The following PFKFB2 variants were observed in gnomAD, a reference collection of about 807,000 sequenced individuals.
PFKFB2 encodes the protein 6-phosphofructo-2-kinase/fructose-2,6-biphosphatase 2.
A neutral mutation model predicts 68.0 loss-of-function variants in PFKFB2; 53 were observed. That is an observed-to-expected ratio of 0.78 (90% confidence interval 0.63 to 0.98). PFKFB2 has a LOEUF of 0.98. Among genes scored for constraint, PFKFB2 ranks in the 50% least tolerant of loss-of-function variants. The pLI, the probability that PFKFB2 is intolerant of heterozygous loss-of-function variation, is 0.00. For missense variants in PFKFB2, 451 were observed against 642.0 expected, an observed-to-expected ratio of 0.70 and a Z score of 3.22; for synonymous variants, 222 against 227.6, an observed-to-expected ratio of 0.98 and a Z score of 0.22.
intron 2 of PFKFB2, among the ~76,000 whole-genome samples, chr1:207,042,971 G>A (rs543032765): frequency 6.6e-6 from 1 of 151,896 alleles, no homozygotes; most frequent in Admixed American, 6.6e-5. Context: ...CTCGCAAGTT[G>A]ATTAATGGTT....
chr1:207,054,618 C>T, intron 1 of PFKFB2, 83 bp from the exon 2 acceptor site: 2 of 882,608 alleles, frequency 2.3e-6, no homozygotes, highest in Non-Finnish European at 1.8e-6. Context: ...ACTTATACCA[C>T]ACGGATCCAA....
chr1:207,055,311 T>TA (rs1682885788), intron 2 of PFKFB2, among the ~76,000 whole-genome samples: 1 of 152,234 alleles, frequency 6.6e-6, no homozygotes, highest in African/African-American at 2.4e-5. Flanking sequence ...TTGGGCATCT[T>TA]ACTTTCTCAC....
chr1:207,055,000 A>G lies in PFKFB2; in HGVS notation c.85+198A>G, dbSNP rs1682878484. On this transcript the variant is annotated intron_variant, in intron 2 of 14. Coordinates refer to ENST00000367080, the MANE Select transcript of PFKFB2 (RefSeq NM_006212.2). Reference sequence around the variant, plus strand: ...AAATGTCTGTTCTTGGGGCTTGACTACTGGTGTAGTCCAGCAGTTTCTTAC... The same window carrying G: ...AAATGTCTGTTCTTGGGGCTTGACTGCTGGTGTAGTCCAGCAGTTTCTTAC... 1.3e-5 allele frequency: 7 copies of G among 530,922 alleles called. No homozygotes were observed. The South Asian group carries it at 1.5e-4, about 11-fold the overall frequency. The allele number at this position is 530,922 out of a possible 1,614,324, so 32.9% of individuals were successfully genotyped here.
At chr1:207,068,445 C>A (rs1683366234) in intron 10 of PFKFB2, 136 bp downstream of exon 10, 2 of 634,920 alleles carry the variant, frequency 3.1e-6, no homozygotes, top group South Asian at 4.2e-5. Flanking sequence ...GACTCTATGG[C>A]CAGCCCGGGG....
chr1:207,050,358 T>C (rs867635115), upstream of PFKFB2, among the ~76,000 whole-genome samples: 15 of 151,830 alleles, frequency 9.9e-5, no homozygotes, highest in African/African-American at 3.6e-4. Context: ...AAAAGAGACA[T>C]AAGGACAGAG....
At chr1:207,068,099 T>A in intron 9 of PFKFB2, 64 bp from the exon 10 acceptor site, 4 of 1,236,722 alleles carry the variant, frequency 3.2e-6, no homozygotes, top group Non-Finnish European at 4.5e-6. Flanking sequence ...GTGTTGAGTG[T>A]GTGTGTGTGT....
Position 207,048,035 on chromosome 1 carries a change from C to T in PFKFB2, c.-18+5823C>T, listed in dbSNP as rs75823532. On this transcript the variant is annotated intron_variant, in intron 2 of 5. Transcript: ENST00000545806. ...TGAAAAAAATTTTTTGGAGGAAGTG[C>T]TCTTAACAAAAAGCTGAGAAAATTA... is the stretch of plus-strand genomic sequence containing the variant. The T allele has an allele frequency of 3.2e-3, 494 of 152,464 alleles. 13 individuals carry two copies. Among genetic ancestry groups the T allele is most frequent in the East Asian group, 0.027 (140 of 5,172 alleles). The allele number at this position is 152,464 out of a possible 1,614,324, so 9.4% of individuals were successfully genotyped here.
Position 207,072,863 on chromosome 1 carries a change from C to T in PFKFB2, c.*492C>T, listed in dbSNP as rs1683509097. On this transcript the variant is annotated 3_prime_UTR_variant, in exon 15 of 15. Transcript: ENST00000367080. ...CTTACTTGACTGCTTTCTTCCCCCACTTTCATGTCCCCTCTGGATTGTCCA... is the reference window on the plus strand; with the variant it reads ...CTTACTTGACTGCTTTCTTCCCCCATTTTCATGTCCCCTCTGGATTGTCCA... The T allele has an allele frequency of 1.0e-6, 1 of 990,062 alleles. No individual in the cohort carries two copies. The highest frequency in any genetic ancestry group is 1.2e-6 in the Non-Finnish European group (1 of 833,140). The allele number at this position is 990,062 out of a possible 1,614,324, so 61.3% of individuals were successfully genotyped here.
At chr1:207,056,538 C>T (rs1046858633) in intron 2 of PFKFB2, among the ~76,000 whole-genome samples, 4 of 151,780 alleles carry the variant, frequency 2.6e-5, no homozygotes, top group African/African-American at 9.7e-5. Context: ...TGGTAGGAAT[C>T]TCTTCTACCT....
At chr1:207,064,996 A>G in intron 7 of PFKFB2, 40 bp from the exon 8 acceptor site, 1 of 1,605,368 alleles carries the variant, frequency 6.2e-7, no homozygotes, top group Non-Finnish European at 8.5e-7. Context: ...TGTTACGGGC[A>G]GACCTCTGAT....
chr1:207,049,187 G>C (rs1178271102), upstream of PFKFB2: 1 of 1,614,068 alleles, frequency 6.2e-7, no homozygotes, highest in Non-Finnish European at 8.5e-7. Context: ...GCTTGTACAA[G>C]AACAATATCA....
At chr1:207,068,894 C>T (rs993840290) in intron 10 of PFKFB2, among the ~76,000 whole-genome samples, 1 of 151,960 alleles carries the variant, frequency 6.6e-6, no homozygotes, top group Non-Finnish European at 1.5e-5. Flanking sequence ...TTATAGGCAC[C>T]TGCCACCACG....
Position 207,072,211 on chromosome 1 carries a change from T to C in PFKFB2, c.1358T>C (p.Phe453Ser), listed in dbSNP as rs1233263364. 15 of 1,613,302 alleles carry C rather than the reference T, an allele frequency of 9.3e-6. No homozygotes were observed. Among genetic ancestry groups the C allele is most frequent in the Non-Finnish European group, 1.2e-5 (14 of 1,179,730 alleles). Reference protein sequence around the residue: ...NTHRDKPTNNFPKNQTPVRMR... With the variant: ...NTHRDKPTNNSPKNQTPVRMR... ...CACTCCATTTCCAATCAGAACAACT[T>C]CCCCAAGAACCAAACCCCTGTAAGG... is the stretch of plus-strand genomic sequence containing the variant. The change falls in exon 15 of 15, where the codon TTC becomes TCC. Residue 453 changes from phenylalanine to serine, a missense_variant. Coordinates refer to ENST00000367080, the MANE Select transcript of PFKFB2 (RefSeq NM_006212.2).
rs577144197 is a variant in PFKFB2, at chr1:207,066,057, A to T, written c.632+897A>T. 2.0e-5 allele frequency among the ~76,000 whole-genome samples: 3 copies of T among 152,340 alleles called. No individual in the cohort carries two copies. In the East Asian group the frequency reaches 5.8e-4, roughly 29 times the overall value. Reference sequence around the variant, plus strand: ...GCATAACATATATATTACATATTGCATATTTTTATATCTATCTCTCTCTAT... The same window carrying T: ...GCATAACATATATATTACATATTGCTTATTTTTATATCTATCTCTCTCTAT... On this transcript the variant is annotated intron_variant, in intron 8 of 14. Coordinates refer to ENST00000367080, the MANE Select transcript of PFKFB2 (RefSeq NM_006212.2).
upstream of PFKFB2, chr1:207,053,184 C>G (rs556642595): frequency 3.3e-5 from 5 of 152,396 alleles, no homozygotes; most frequent in East Asian, 9.6e-4. Context: ...TGCAGGCGCC[C>G]GATTGGTGGA....
chr1:207,059,999 CT>C (rs1271159216), intron 2 of PFKFB2, among the ~76,000 whole-genome samples: 1 of 152,170 alleles, frequency 6.6e-6, no homozygotes, highest in Non-Finnish European at 1.5e-5. Flanking sequence ...TTCCCCCATC[CT>C]GTGCAGGGCC....
chr1:207,050,779 G>T (rs765840248), upstream of PFKFB2: 2 of 1,613,346 alleles, frequency 1.2e-6, no homozygotes, highest in Admixed American at 3.3e-5. Flanking sequence ...GCTGACCGCC[G>T]GGGGCGATCC....
chr1:207,070,313 GTCA>G lies in PFKFB2; in HGVS notation c.1131_1133del (p.Ile377del). ...GGACCTGGTGCAGCGGCTGGAGCCT[GTCA>G]TCATGGAGCTGGAACGTCAGGGCAA... On this transcript the variant is annotated inframe_deletion, in exon 12 of 15. Coordinates refer to ENST00000367080, the MANE Select transcript of PFKFB2 (RefSeq NM_006212.2). The surrounding 1 kb of genome is among the most constrained non-coding windows in gnomAD (Gnocchi z 4.2). 2 of 1,613,770 alleles carry G rather than the reference GTCA, an allele frequency of 1.2e-6. No individual in the cohort carries two copies. The highest frequency in any genetic ancestry group is 1.7e-6 in the Non-Finnish European group (2 of 1,180,010).
chr1:207,050,000 A>G (rs1466610868), upstream of PFKFB2, among the ~76,000 whole-genome samples: 1 of 152,238 alleles, frequency 6.6e-6, no homozygotes, highest in African/African-American at 2.4e-5. Flanking sequence ...GATACATTTC[A>G]AAAACAAAAT....
Sources: allele counts gnomAD v4.1 joint callset (sites outside exome capture counted in the v4.1 genomes callset), GRCh38; gene constraint gnomAD v4.1.1; non-coding constraint Gnocchi (gnomAD v3.1); transcripts MANE v1.5; gene names NCBI Gene and HGNC (gene_info 2026-07-23, HGNC 2026-07-21).